The following HDAC9 variants were observed in gnomAD, a reference collection of about 807,000 sequenced individuals.
The protein encoded by HDAC9 is MEF-2 interacting transcription repressor (MITR) protein.
HDAC9 carries 41 observed loss-of-function variants against 139.4 expected under a neutral mutation model. That is an observed-to-expected ratio of 0.29 (90% confidence interval 0.23 to 0.38). The LOEUF (loss-of-function observed/expected upper bound fraction) is 0.38, where lower values mean the gene tolerates loss of function less well. Among genes scored for constraint, HDAC9 ranks in the 10% least tolerant of loss-of-function variants. The pLI is 1.00. For missense variants in HDAC9, 1,147 were observed against 1,297.0 expected (o/e 0.88, Z 1.78); for synonymous variants, 517 against 476.2 (o/e 1.09, Z -1.12).
At chr7:18,661,312 A>G (rs530917222) in intron 11 of HDAC9, among the ~76,000 whole-genome samples, 1 of 152,114 alleles carries the variant, frequency 6.6e-6, no homozygotes, top group African/African-American at 2.4e-5. Flanking sequence ...ATTGGGTTAG[A>G]TGGGAATAAA....
At chr7:18,751,794 A>G (rs1268747484) in intron 14 of HDAC9, among the ~76,000 whole-genome samples, 1 of 152,134 alleles carries the variant, frequency 6.6e-6, no homozygotes, top group Non-Finnish European at 1.5e-5. Context: ...AAACAGAACT[A>G]AAAGGGAAAC....
intron 2 of HDAC9, among the ~76,000 whole-genome samples, chr7:18,570,331 C>A (rs1483626903): frequency 6.6e-6 from 1 of 151,994 alleles, no homozygotes; most frequent in East Asian, 1.9e-4. Context: ...AAGAAAGATG[C>A]TTTAGACTTA....
chr7:18,892,409 TAAG>T (rs1411949134), intron 22 of HDAC9, among the ~76,000 whole-genome samples: 2 of 152,114 alleles, frequency 1.3e-5, no homozygotes, highest in Non-Finnish European at 2.9e-5. Context: ...ATAAAAAAGA[TAAG>T]AAAGGGTCAA....
intron 11 of HDAC9, among the ~76,000 whole-genome samples, chr7:18,655,362 G>T (rs1330747402): frequency 2.6e-5 from 4 of 152,028 alleles, no homozygotes; most frequent in Non-Finnish European, 4.4e-5. Context: ...AAGCCTCCTA[G>T]ATTATTTATC....
At chr7:18,738,078 C>T (rs1787092697) in intron 13 of HDAC9, among the ~76,000 whole-genome samples, 1 of 151,934 alleles carries the variant, frequency 6.6e-6, no homozygotes, top group Non-Finnish European at 1.5e-5. Flanking sequence ...ACTAGGATTG[C>T]AACCCCTGCT....
intron 2 of HDAC9, among the ~76,000 whole-genome samples, chr7:18,277,200 A>G (rs1437046374): frequency 1.3e-5 from 2 of 152,146 alleles, no homozygotes; most frequent in African/African-American, 4.8e-5. Flanking sequence ...ATAGGAAACA[A>G]TGATAAAGTT....
rs1380310916 is a variant in HDAC9, at chr7:18,308,843, AAGAC to A, written c.-42+18331_-42+18334del. Among the ~76,000 whole-genome samples the A allele has an allele frequency of 2.6e-5, 4 of 152,318 alleles. No homozygotes were observed. The East Asian group carries it at 7.7e-4, about 29-fold the overall frequency. ...GTATGAGTTTTTATGGGTAAATACTAAGACAGGAAGATAGGGTTTGTTGAATGAT... is the reference window on the plus strand; with the variant it reads ...GTATGAGTTTTTATGGGTAAATACTAAGGAAGATAGGGTTTGTTGAATGAT... On this transcript the variant is annotated intron_variant, in intron 1 of 3. Coordinates refer to the HDAC9 transcript ENST00000413509.
chr7:18,352,841 G>T (rs1370967038), intron 1 of HDAC9, among the ~76,000 whole-genome samples: 1 of 151,856 alleles, frequency 6.6e-6, no homozygotes, highest in African/African-American at 2.4e-5. Context: ...TTTTGTCTCT[G>T]TCTTACTCTA....
chr7:18,641,854 G>A (rs150136418), intron 8 of HDAC9, among the ~76,000 whole-genome samples: 1,806 of 152,234 alleles, frequency 0.012, 13 homozygotes, highest in Non-Finnish European at 0.017. Flanking sequence ...TGACTTTAAA[G>A]TGTGTCTGTA....
intron 2 of HDAC9, among the ~76,000 whole-genome samples, chr7:18,208,947 A>G (rs1410383428): frequency 6.6e-6 from 1 of 152,240 alleles, no homozygotes; most frequent in Non-Finnish European, 1.5e-5. Context: ...ATTTTATTAT[A>G]TACAACTTAA....
intron 1 of HDAC9, among the ~76,000 whole-genome samples, chr7:18,122,431 A>G (rs1024345057): frequency 1.3e-5 from 2 of 152,144 alleles, no homozygotes; most frequent in African/African-American, 4.8e-5. Flanking sequence ...GACCTAGATG[A>G]TATTATTTTC....
chr7:18,730,528 G>T (rs987609315), intron 13 of HDAC9, among the ~76,000 whole-genome samples: 1 of 152,082 alleles, frequency 6.6e-6, no homozygotes, highest in African/African-American at 2.4e-5. Context: ...CTGCATGGGG[G>T]CTATTCTAAG....
chr7:18,932,836 G>T, intron 22 of HDAC9, among the ~76,000 whole-genome samples: 1 of 126,070 alleles, frequency 7.9e-6, no homozygotes, highest in South Asian at 2.7e-4. Flanking sequence ...AGGAAGGAAG[G>T]AAGGAAGGAA....
intron 6 of HDAC9, among the ~76,000 whole-genome samples, chr7:18,605,902 C>A (rs1345958550): frequency 2.0e-5 from 3 of 151,638 alleles, no homozygotes; most frequent in Non-Finnish European, 4.4e-5. Flanking sequence ...GGATGGTCTC[C>A]ATCTCCTGAC....
intron 25 of HDAC9, 147 bp from the exon 26 acceptor site, chr7:18,995,876 C>G: frequency 1.7e-6 from 1 of 599,134 alleles, no homozygotes; most frequent in Non-Finnish European, 2.9e-6. Flanking sequence ...TTTATACTTC[C>G]TAGGAAAGAA....
intron 2 of HDAC9, among the ~76,000 whole-genome samples, chr7:18,169,956 A>G (rs1484394468): frequency 1.3e-5 from 2 of 152,156 alleles, no homozygotes; most frequent in Admixed American, 6.5e-5. Context: ...ATGATTTATA[A>G]TCCTTTGGGT....
chr7:18,682,847 G>A (rs1781984949), intron 12 of HDAC9, among the ~76,000 whole-genome samples: 1 of 152,050 alleles, frequency 6.6e-6, no homozygotes. Flanking sequence ...TGGGCATGGT[G>A]GTGGGCGCCT....
At chr7:18,768,252 G>A (rs922788751) in intron 16 of HDAC9, among the ~76,000 whole-genome samples, 1 of 152,178 alleles carries the variant, frequency 6.6e-6, no homozygotes, top group Non-Finnish European at 1.5e-5. Context: ...ACACAGTAAA[G>A]GATAAAAAGC....
At chr7:18,184,547 A>C (rs890225248) in intron 2 of HDAC9, among the ~76,000 whole-genome samples, 1 of 152,224 alleles carries the variant, frequency 6.6e-6, no homozygotes, top group Non-Finnish European at 1.5e-5. Flanking sequence ...GCACGAAACA[A>C]AATTTGTATA....
Sources: allele counts gnomAD v4.1 joint callset (sites outside exome capture counted in the v4.1 genomes callset), GRCh38; gene constraint gnomAD v4.1.1; transcripts MANE v1.5; gene names NCBI Gene and HGNC (gene_info 2026-07-23, HGNC 2026-07-21).